The following CDC14B variants were observed in gnomAD, a reference collection of about 807,000 sequenced individuals.
CDC14B encodes dual specificity protein phosphatase CDC14B.
A neutral mutation model predicts 64.2 loss-of-function variants in CDC14B; 22 were observed. The observed-to-expected ratio is 0.34, with a 90% CI of 0.24 to 0.49. The LOEUF (loss-of-function observed/expected upper bound fraction) is 0.49. CDC14B is among the 20% of genes least tolerant of loss of function. The pLI, the probability that CDC14B is intolerant of heterozygous loss-of-function variation, is 0.99. For missense variants in CDC14B, 498 were observed against 629.9 expected (o/e 0.79, Z 2.24); for synonymous variants, 191 against 215.8 (o/e 0.89, Z 1.01).
chr9:96,573,117 C>T (rs944790572), intron 1 of CDC14B, among the ~76,000 whole-genome samples: 1 of 152,042 alleles, frequency 6.6e-6, no homozygotes, highest in Admixed American at 6.6e-5. Flanking sequence ...AAGACCAGCA[C>T]TACCAAAATG....
intron 12 of CDC14B, chr9:96,514,701 T>A (rs1183667634): frequency 1.0e-6 from 1 of 985,290 alleles, no homozygotes; most frequent in Non-Finnish European, 1.2e-6. Context: ...TCTTAAAATA[T>A]GAGTTAAGGA....
intron 1 of CDC14B, among the ~76,000 whole-genome samples, chr9:96,594,044 A>G (rs944261869): frequency 6.6e-6 from 1 of 152,222 alleles, no homozygotes; most frequent in Non-Finnish European, 1.5e-5. Context: ...CAGGAACCAG[A>G]TTTACTATTC....
chr9:96,504,147 T>C (rs1833813700), intron 13 of CDC14B, among the ~76,000 whole-genome samples: 1 of 152,154 alleles, frequency 6.6e-6, no homozygotes, highest in African/African-American at 2.4e-5. Context: ...GTCCTTCCTT[T>C]CCTCTGAGGG....
intron 1 of CDC14B, among the ~76,000 whole-genome samples, chr9:96,585,663 A>G (rs1314298942): frequency 6.6e-6 from 1 of 152,204 alleles, no homozygotes; most frequent in Non-Finnish European, 1.5e-5. Context: ...TACATTGCTA[A>G]TGGAATGTAA....
At chr9:96,589,406 A>C (rs1845655335) in intron 1 of CDC14B, among the ~76,000 whole-genome samples, 2 of 152,106 alleles carry the variant, frequency 1.3e-5, no homozygotes, top group Admixed American at 1.3e-4. Flanking sequence ...ATATGCAAGA[A>C]TTCTGTTTAT....
intron 1 of CDC14B, among the ~76,000 whole-genome samples, chr9:96,566,123 T>C (rs1472751465): frequency 1.3e-5 from 2 of 152,206 alleles, no homozygotes; most frequent in African/African-American, 2.4e-5. Flanking sequence ...TAAATGCAGT[T>C]AGGCTGCTGT....
chr9:96,549,918 G>A (rs964066125), intron 5 of CDC14B, among the ~76,000 whole-genome samples: 9 of 152,136 alleles, frequency 5.9e-5, no homozygotes, highest in African/African-American at 1.2e-4. Context: ...AACTCAAAAC[G>A]TCTTTTTTCA....
intron 1 of CDC14B, among the ~76,000 whole-genome samples, chr9:96,604,657 C>T (rs1022443950): frequency 5.4e-5 from 8 of 149,332 alleles, no homozygotes; most frequent in African/African-American, 2.0e-4. Context: ...CACACCTGGC[C>T]TTTTTTTTTG....
intron 5 of CDC14B, among the ~76,000 whole-genome samples, chr9:96,547,983 G>A (rs946147682): frequency 1.7e-4 from 26 of 152,118 alleles, no homozygotes; most frequent in Admixed American, 4.6e-4. Context: ...CCGCCACCAC[G>A]CCTGGCTAAT....
intron 9 of CDC14B, among the ~76,000 whole-genome samples, chr9:96,533,488 TTAAC>T (rs745693822): frequency 2.1e-4 from 32 of 152,360 alleles, no homozygotes; most frequent in Middle Eastern, 3.4e-3. Context: ...TGTTTCTTAA[TTAAC>T]TAACAAGAGA....
chr9:96,552,269 A>G (rs1841932372), intron 4 of CDC14B, among the ~76,000 whole-genome samples: 1 of 152,308 alleles, frequency 6.6e-6, no homozygotes, highest in Admixed American at 6.5e-5. Flanking sequence ...GTGAGGTGGA[A>G]AGAGACACAA....
intron 4 of CDC14B, among the ~76,000 whole-genome samples, chr9:96,559,449 C>A (rs541383668): frequency 3.9e-5 from 6 of 152,284 alleles, no homozygotes; most frequent in Non-Finnish European, 7.4e-5. Context: ...ATCAAGGATG[C>A]GGATCAGTTT....
At chr9:96,543,262 A>C (rs892804746) in intron 5 of CDC14B, among the ~76,000 whole-genome samples, 1 of 151,576 alleles carries the variant, frequency 6.6e-6, no homozygotes, top group Non-Finnish European at 1.5e-5. Context: ...GTGAACCCGG[A>C]GGCGGAGCTT....
intron 12 of CDC14B, among the ~76,000 whole-genome samples, chr9:96,518,784 T>C (rs1369571134): frequency 6.6e-6 from 1 of 152,210 alleles, no homozygotes; most frequent in African/African-American, 2.4e-5. Context: ...ATGGCCCGAA[T>C]GTCCAAGTGT....
chr9:96,566,966 C>A, intron 1 of CDC14B: 2 of 1,463,362 alleles, frequency 1.4e-6, no homozygotes, highest in Non-Finnish European at 9.0e-7. Context: ...GGCGGCCCAA[C>A]GGCCTGACAC....
chr9:96,528,457 G>A (rs942486934), intron 9 of CDC14B, among the ~76,000 whole-genome samples: 1 of 152,124 alleles, frequency 6.6e-6, no homozygotes, highest in Admixed American at 6.6e-5. Context: ...AGGTGGCAGA[G>A]GTTGCAGTGA....
intron 1 of CDC14B, among the ~76,000 whole-genome samples, chr9:96,581,717 G>T (rs1053140317): frequency 1.3e-5 from 2 of 152,036 alleles, no homozygotes; most frequent in Non-Finnish European, 2.9e-5. Context: ...TTCCTCTGGG[G>T]AGTGAGGGAA....
downstream of CDC14B, chr9:96,496,228 AC>A: frequency 2.1e-6 from 1 of 470,186 alleles, no homozygotes; most frequent in Non-Finnish European, 4.2e-6. Flanking sequence ...CTTCAATTGC[AC>A]CTGGAGAGAA....
chr9:96,496,394 A>G (rs1028839535), downstream of CDC14B: 5 of 411,476 alleles, frequency 1.2e-5, no homozygotes, highest in Non-Finnish European at 1.9e-5. Flanking sequence ...CGCTGTACTT[A>G]CCACCACCAC....
Sources: allele counts gnomAD v4.1 joint callset (sites outside exome capture counted in the v4.1 genomes callset), GRCh38; gene constraint gnomAD v4.1.1; transcripts MANE v1.5; gene names NCBI Gene and HGNC (gene_info 2026-07-23, HGNC 2026-07-21).